The following UBE2E2 variants were observed in gnomAD, a reference collection of about 807,000 sequenced individuals.
UBE2E2 encodes the protein ubiquitin-conjugating enzyme E2 E2.
In UBE2E2, 6 loss-of-function variants were observed where a neutral mutation model predicts 24.7. The observed-to-expected ratio is 0.24, with a 90% CI of 0.13 to 0.48. UBE2E2 has a LOEUF of 0.48. Among genes scored for constraint, UBE2E2 ranks in the 20% least tolerant of loss-of-function variants. The pLI, the probability that UBE2E2 is intolerant of heterozygous loss-of-function variation, is 0.99. For synonymous variants in UBE2E2, 104 were observed against 83.6 expected, an observed-to-expected ratio of 1.24 and a Z score of -1.33; for missense variants, 169 against 245.0, an observed-to-expected ratio of 0.69 and a Z score of 2.07.
At chr3:23,503,073 T>G (rs1264783849) in intron 4 of UBE2E2, among the ~76,000 whole-genome samples, 1 of 152,190 alleles carries the variant, frequency 6.6e-6, no homozygotes, top group Non-Finnish European at 1.5e-5. Context: ...TTACACCTAT[T>G]TATTTTTCAG....
rs181221576 is a variant in UBE2E2 at position 23,448,184 on chromosome 3, C to T, written c.228-51424C>T. On this transcript the variant is annotated intron_variant, in intron 3 of 5. Coordinates refer to ENST00000396703, the MANE Select transcript of UBE2E2 (RefSeq NM_152653.4). ...TAACAGAGTTTAATTTTGACTGAGTCTGTCGAGGTTAGTGACCCCGTAATC... is the reference window on the plus strand; with the variant it reads ...TAACAGAGTTTAATTTTGACTGAGTTTGTCGAGGTTAGTGACCCCGTAATC... Among the ~76,000 whole-genome samples, 25 of 152,192 alleles carry T rather than the reference C, an allele frequency of 1.6e-4. No homozygotes were observed. In the East Asian group the frequency reaches 4.4e-3, roughly 27 times the overall value.
In UBE2E2 at chr3:23,532,547, C is replaced by A; in HGVS notation, c.361-7C>A. 1 of 1,504,010 alleles carries A rather than the reference C, an allele frequency of 6.6e-7. No homozygotes were observed. The highest frequency in any genetic ancestry group is 9.0e-7 in the Non-Finnish European group (1 of 1,106,426). The allele number at this position is 1,504,010 out of a possible 1,614,324, so 93.2% of individuals were successfully genotyped here. On this transcript the variant is annotated splice_polypyrimidine_tract_variant and splice_region_variant and intron_variant, in intron 4 of 5. Transcript: ENST00000396703. ...CTAACAAAATATAACTTTACATTTT[C>A]TTGTAGGTTACCTTCCGAACAAGAA...
intron 3 of UBE2E2, among the ~76,000 whole-genome samples, chr3:23,262,697 T>C (rs1392981227): frequency 6.6e-6 from 1 of 152,202 alleles, no homozygotes; most frequent in African/African-American, 2.4e-5. Flanking sequence ...AAATGTTTTC[T>C]TCCATTCCAT....
At chr3:23,532,774 A>G in intron 5 of UBE2E2, 73 bp downstream of exon 5, 2 of 1,298,706 alleles carry the variant, frequency 1.5e-6, no homozygotes, top group African/African-American at 1.4e-5. Context: ...TAACTTGTTT[A>G]CTACTGCTAC....
intron 3 of UBE2E2, among the ~76,000 whole-genome samples, chr3:23,436,665 C>T (rs1438543667): frequency 1.3e-5 from 2 of 151,678 alleles, no homozygotes; most frequent in Middle Eastern, 3.2e-3. Flanking sequence ...AAAACAAAAA[C>T]AAAAACTATA....
intron 3 of UBE2E2, among the ~76,000 whole-genome samples, chr3:23,441,620 G>C (rs1698307846): frequency 6.6e-6 from 1 of 151,806 alleles, no homozygotes; most frequent in South Asian, 2.1e-4. Context: ...GACTTTGTTA[G>C]AGGAGCTCAC....
chr3:23,502,262 A>G (rs141283639), intron 4 of UBE2E2, among the ~76,000 whole-genome samples: 7 of 138,182 alleles, frequency 5.1e-5, no homozygotes, highest in East Asian at 4.2e-4. Context: ...TTAGCCATGC[A>G]TTTTGATTCC....
intron 3 of UBE2E2, among the ~76,000 whole-genome samples, chr3:23,420,603 C>G (rs1697772078): frequency 1.3e-5 from 2 of 152,196 alleles, no homozygotes; most frequent in African/African-American, 4.8e-5. Flanking sequence ...AGGACAAATG[C>G]TGTTCATAGT....
intron 5 of UBE2E2, among the ~76,000 whole-genome samples, chr3:23,585,121 A>G (rs1696589318): frequency 6.6e-6 from 1 of 152,076 alleles, no homozygotes; most frequent in South Asian, 2.1e-4. Context: ...TCATCCTGTA[A>G]TCGCACCACT....
intron 3 of UBE2E2, among the ~76,000 whole-genome samples, chr3:23,395,292 G>A (rs1037186678): frequency 3.9e-5 from 6 of 152,154 alleles, no homozygotes; most frequent in African/African-American, 1.4e-4. Context: ...CAACTAGGTC[G>A]CTTTGAGGTG....
At chr3:23,254,378 C>T (rs1026855721) in intron 3 of UBE2E2, among the ~76,000 whole-genome samples, 1 of 152,120 alleles carries the variant, frequency 6.6e-6, no homozygotes, top group Non-Finnish European at 1.5e-5. Flanking sequence ...CATCTGGTTG[C>T]CCAGTTTCTG....
At chr3:23,322,177 T>C (rs1694757414) in intron 3 of UBE2E2, among the ~76,000 whole-genome samples, 1 of 152,248 alleles carries the variant, frequency 6.6e-6, no homozygotes, top group African/African-American at 2.4e-5. Context: ...AGTCTTCCTT[T>C]AGCTGGAAGC....
At chr3:23,396,330 CGT>C (rs1491502444) in intron 3 of UBE2E2, among the ~76,000 whole-genome samples, 3 of 97,326 alleles carry the variant, frequency 3.1e-5, no homozygotes, top group East Asian at 6.7e-4. Context: ...TATATATATA[CGT>C]ATATATATAT....
At chr3:23,231,587 A>G (rs973154524) in intron 3 of UBE2E2, among the ~76,000 whole-genome samples, 12 of 152,206 alleles carry the variant, frequency 7.9e-5, no homozygotes, top group African/African-American at 2.9e-4. Context: ...AGTGTCCACA[A>G]ATTCAATTCT....
intron 3 of UBE2E2, among the ~76,000 whole-genome samples, chr3:23,363,478 A>G (rs1696177802): frequency 6.6e-6 from 1 of 152,238 alleles, no homozygotes; most frequent in South Asian, 2.1e-4. Context: ...TGGAAAACAG[A>G]AAAAAGGAGG....
chr3:23,580,802 A>G lies in UBE2E2; in HGVS notation c.509-8932A>G, dbSNP rs1166074200. Among the ~76,000 whole-genome samples, 4 of 152,358 alleles carry G rather than the reference A, an allele frequency of 2.6e-5. No individual in the cohort carries two copies. The East Asian group carries it at 7.7e-4, about 29-fold the overall frequency. Reference sequence around the variant, plus strand: ...AGAAAAGGTTATCCCAGGCAGAGGAACCAACATAAGCAAACAAACATAATC... The same window carrying G: ...AGAAAAGGTTATCCCAGGCAGAGGAGCCAACATAAGCAAACAAACATAATC... On this transcript the variant is annotated intron_variant, in intron 5 of 5. Transcript: ENST00000396703.
intron 2 of UBE2E2, among the ~76,000 whole-genome samples, chr3:23,215,475 A>T (rs980080131): frequency 1.3e-5 from 2 of 152,038 alleles, no homozygotes; most frequent in Admixed American, 1.3e-4. Flanking sequence ...TCTGATACTT[A>T]ATTAAAGTTA....
At chr3:23,299,593 T>G (rs1278427791) in intron 3 of UBE2E2, among the ~76,000 whole-genome samples, 3 of 152,210 alleles carry the variant, frequency 2.0e-5, no homozygotes, top group Non-Finnish European at 2.9e-5. Flanking sequence ...GTTGCACGGT[T>G]TTGAGTGAGT....
At chr3:23,576,218 A>G (rs1696344209) in intron 5 of UBE2E2, among the ~76,000 whole-genome samples, 1 of 152,212 alleles carries the variant, frequency 6.6e-6, no homozygotes, top group Non-Finnish European at 1.5e-5. Context: ...ATGGAATAAA[A>G]GTATTATGAA....
Sources: allele counts gnomAD v4.1 joint callset (sites outside exome capture counted in the v4.1 genomes callset), GRCh38; gene constraint gnomAD v4.1.1; transcripts MANE v1.5; gene names NCBI Gene and HGNC (gene_info 2026-07-23, HGNC 2026-07-21).